PIP4K2A: variants seen among roughly 807,000 people sequenced by gnomAD.
PIP4K2A encodes the protein phosphatidylinositol 5-phosphate 4-kinase type-2 alpha.
In PIP4K2A, 14 loss-of-function variants were observed where a neutral mutation model predicts 42.9. That is an observed-to-expected ratio of 0.33 (90% CI 0.22 to 0.51). PIP4K2A has a LOEUF of 0.51. Among genes scored for constraint, PIP4K2A ranks in the 20% least tolerant of loss-of-function variants. PIP4K2A has a pLI of 0.97. For missense variants in PIP4K2A, 434 were observed against 519.8 expected, an observed-to-expected ratio of 0.83 and a Z score of 1.61; for synonymous variants, 192 against 192.2, an observed-to-expected ratio of 1.00 and a Z score of 0.01.
intron 3 of PIP4K2A, among the ~76,000 whole-genome samples, chr10:22,602,698 G>A (rs10828323): frequency 0.21 from 31,763 of 151,882 alleles, 3,642 homozygotes; most frequent in Non-Finnish European, 0.26. Context: ...TCTTTCACAA[G>A]TATTTCTTAT....
chr10:22,611,041 T>C (rs1221340668), intron 1 of PIP4K2A, among the ~76,000 whole-genome samples: 1 of 151,936 alleles, frequency 6.6e-6, no homozygotes, highest in Non-Finnish European at 1.5e-5. Flanking sequence ...CAAAAGATGA[T>C]TATATTTGAA....
At position 22,539,267 on chromosome 10, in the gene PIP4K2A, G is replaced by A. The variant is rs181690871; in HGVS notation, c.1140+704C>T. ...GAGGCCCTGGCAAGTTACTCCTGAAGCTATTTTCCTCAGTTTCTCCAACTG... is the reference window on the plus strand; with the variant it reads ...GAGGCCCTGGCAAGTTACTCCTGAAACTATTTTCCTCAGTTTCTCCAACTG... On this transcript the variant is annotated intron_variant, in intron 9 of 9. Transcript: ENST00000376573. Among the ~76,000 whole-genome samples the A allele has an allele frequency of 5.9e-5, 9 of 152,318 alleles. No homozygotes were observed. The East Asian group carries it at 1.7e-3, about 29-fold the overall frequency.
At chr10:22,576,358 C>G (rs907882302) in intron 4 of PIP4K2A, among the ~76,000 whole-genome samples, 1 of 152,146 alleles carries the variant, frequency 6.6e-6, no homozygotes, top group African/African-American at 2.4e-5. Context: ...GAATGAGAAT[C>G]CTGGTGGATT....
chr10:22,667,896 T>A (rs983397137), intron 1 of PIP4K2A, among the ~76,000 whole-genome samples: 2 of 148,732 alleles, frequency 1.3e-5, no homozygotes, highest in Non-Finnish European at 3.0e-5. Flanking sequence ...TGTGTGTGTG[T>A]GTGTGTGTGT....
chr10:22,667,916 T>G (rs61847511), intron 1 of PIP4K2A, among the ~76,000 whole-genome samples: 1 of 107,854 alleles, frequency 9.3e-6, no homozygotes, highest in Non-Finnish European at 2.0e-5. Context: ...TGTGTGTGTG[T>G]AGAGAGGGGG....
chr10:22,564,911 C>T (rs1836805171), intron 6 of PIP4K2A, among the ~76,000 whole-genome samples: 1 of 152,210 alleles, frequency 6.6e-6, no homozygotes, highest in Admixed American at 6.5e-5. Flanking sequence ...CTCACGAAAG[C>T]ATCTGACGCT....
intron 1 of PIP4K2A, among the ~76,000 whole-genome samples, chr10:22,665,252 A>C (rs1182264949): frequency 2.0e-5 from 3 of 152,240 alleles, no homozygotes; most frequent in Non-Finnish European, 4.4e-5. Context: ...AAAAGCAACA[A>C]GAGAAATGCT....
At chr10:22,652,953 G>C (rs1839023317) in intron 1 of PIP4K2A, among the ~76,000 whole-genome samples, 1 of 152,114 alleles carries the variant, frequency 6.6e-6, no homozygotes, top group Non-Finnish European at 1.5e-5. Flanking sequence ...AATAAGCTGA[G>C]AGTGGTGGTA....
chr10:22,537,849 A>T (rs575573615), intron 9 of PIP4K2A, among the ~76,000 whole-genome samples: 8 of 152,310 alleles, frequency 5.3e-5, no homozygotes, highest in African/African-American at 1.9e-4. Context: ...CCTGCACCGT[A>T]ACCAGGTGAG....
intron 4 of PIP4K2A, among the ~76,000 whole-genome samples, chr10:22,577,077 CAAAA>C (rs5783800): frequency 2.0e-4 from 15 of 76,450 alleles, no homozygotes; most frequent in African/African-American, 3.9e-4. Context: ...ACTCCTGTCT[CAAAA>C]AAAAAAAAAA....
chr10:22,622,738 C>T (rs570598764), intron 1 of PIP4K2A, among the ~76,000 whole-genome samples: 1 of 152,272 alleles, frequency 6.6e-6, no homozygotes, highest in South Asian at 2.1e-4. Flanking sequence ...AACCACCGGA[C>T]ATGGGAGGAA....
intron 3 of PIP4K2A, among the ~76,000 whole-genome samples, chr10:22,602,387 C>G (rs1837804045): frequency 7.8e-6 from 1 of 127,662 alleles, no homozygotes; most frequent in African/African-American, 3.4e-5. Context: ...GAGTGAAACT[C>G]TGTCTATAAA....
intron 1 of PIP4K2A, among the ~76,000 whole-genome samples, chr10:22,713,470 A>G (rs1833952834): frequency 6.6e-6 from 1 of 151,432 alleles, no homozygotes; most frequent in Non-Finnish European, 1.5e-5. Context: ...AGGGAGGAAG[A>G]CTCCCCGCCA....
chr10:22,595,917 T>C (rs750856961), intron 3 of PIP4K2A, among the ~76,000 whole-genome samples: 25 of 151,954 alleles, frequency 1.6e-4, no homozygotes, highest in Non-Finnish European at 3.4e-4. Flanking sequence ...TAAAAATGGA[T>C]TTACTCAGCC....
intron 7 of PIP4K2A, among the ~76,000 whole-genome samples, chr10:22,543,191 C>A (rs1417780878): frequency 6.6e-6 from 1 of 152,180 alleles, no homozygotes; most frequent in Non-Finnish European, 1.5e-5. Flanking sequence ...GAATGAGAAG[C>A]CCCGATTCCT....
rs575561612 is a variant in PIP4K2A, at chr10:22,596,513, G to A, written c.340-4732C>T. ...CTTATATCTTCAACACAGTCACTGTGCTGCCTCAAAACAGTCTATCTACTG... is the reference window on the plus strand; with the variant it reads ...CTTATATCTTCAACACAGTCACTGTACTGCCTCAAAACAGTCTATCTACTG... On this transcript the variant is annotated intron_variant, in intron 3 of 9. Coordinates refer to ENST00000376573, the MANE Select transcript of PIP4K2A (RefSeq NM_005028.5). Among the ~76,000 whole-genome samples the A allele has an allele frequency of 8.9e-4, 135 of 152,322 alleles. 1 individual carries two copies. Among genetic ancestry groups the A allele is most frequent in the Non-Finnish European group, 1.6e-3 (107 of 68,034 alleles).
intron 1 of PIP4K2A, among the ~76,000 whole-genome samples, chr10:22,669,827 A>G (rs1000003633): frequency 6.6e-6 from 1 of 152,150 alleles, no homozygotes; most frequent in Admixed American, 6.5e-5. Flanking sequence ...TAGTCTGCAT[A>G]TTTGTTTATT....
At chr10:22,637,869 G>A (rs1429952609) in intron 1 of PIP4K2A, among the ~76,000 whole-genome samples, 1 of 152,190 alleles carries the variant, frequency 6.6e-6, no homozygotes, top group Non-Finnish European at 1.5e-5. Flanking sequence ...AAGGATCTCA[G>A]CAAGTATACT....
intron 2 of PIP4K2A, 149 bp from the exon 3 acceptor site, chr10:22,608,172 C>T (rs1352996279): frequency 7.3e-6 from 4 of 544,602 alleles, no homozygotes; most frequent in South Asian, 2.7e-5. Flanking sequence ...AGGTACAACC[C>T]GCAGAAAGAT....
Sources: allele counts gnomAD v4.1 joint callset (sites outside exome capture counted in the v4.1 genomes callset), GRCh38; gene constraint gnomAD v4.1.1; transcripts MANE v1.5; gene names NCBI Gene and HGNC (gene_info 2026-07-23, HGNC 2026-07-21).